NALF1: variants seen among roughly 807,000 people sequenced by gnomAD.
The protein encoded by NALF1 is family with sequence similarity 155 member A.
Under a neutral mutation model 48.4 loss-of-function variants are expected in NALF1, and 3 were observed. The ratio of observed to expected loss-of-function variants is 0.06; its 90% confidence interval spans 0.03 to 0.16. The LOEUF is 0.16. NALF1 is among the 10% of genes least tolerant of loss of function. The pLI is 1.00. For missense variants in NALF1, 526 were observed against 571.5 expected (o/e 0.92, Z 0.81); for synonymous variants, 262 against 245.7 (o/e 1.07, Z -0.62).
At chr13:107,540,503 T>G (rs1329783969) in intron 1 of NALF1, among the ~76,000 whole-genome samples, 2 of 152,126 alleles carry the variant, frequency 1.3e-5, no homozygotes, top group Admixed American at 6.6e-5. Context: ...ATTTTATATG[T>G]ATGTATATAT....
chr13:107,383,185 A>C (rs1883471323), intron 1 of NALF1, among the ~76,000 whole-genome samples: 1 of 152,258 alleles, frequency 6.6e-6, no homozygotes, highest in Non-Finnish European at 1.5e-5. Flanking sequence ...AATTTACCTC[A>C]GTAATAATCA....
intron 1 of NALF1, among the ~76,000 whole-genome samples, chr13:107,235,474 T>G (rs1445380879): frequency 6.6e-6 from 1 of 152,178 alleles, no homozygotes; most frequent in African/African-American, 2.4e-5. Context: ...TTCCTGTCCA[T>G]GAAATTGGGG....
intron 1 of NALF1, among the ~76,000 whole-genome samples, chr13:107,263,868 A>G (rs1437345193): frequency 6.6e-6 from 1 of 152,170 alleles, no homozygotes. Flanking sequence ...TTCCTAGATT[A>G]AAAACATGTT....
chr13:107,681,589 G>C (rs1046357893), intron 1 of NALF1, among the ~76,000 whole-genome samples: 1 of 152,158 alleles, frequency 6.6e-6, no homozygotes, highest in Non-Finnish European at 1.5e-5. Flanking sequence ...GACTGTCCCT[G>C]AGGTGAGCTG....
At chr13:107,289,228 C>T (rs1881566510) in intron 1 of NALF1, among the ~76,000 whole-genome samples, 2 of 152,200 alleles carry the variant, frequency 1.3e-5, no homozygotes, top group South Asian at 2.1e-4. Context: ...AGTTCCATCA[C>T]ATGAACACAT....
chr13:107,857,586 CAT>C (rs1566508421), intron 1 of NALF1, among the ~76,000 whole-genome samples: 2 of 152,146 alleles, frequency 1.3e-5, no homozygotes, highest in African/African-American at 4.8e-5. Flanking sequence ...AAATGTAGCA[CAT>C]GTTAATCTCT....
intron 1 of NALF1, among the ~76,000 whole-genome samples, chr13:107,786,731 T>C (rs1383885544): frequency 6.6e-6 from 1 of 151,428 alleles, no homozygotes; most frequent in African/African-American, 2.4e-5. Flanking sequence ...AAACCCCATC[T>C]CAGAAAAAAA....
At chr13:107,262,443 G>T (rs986188182) in intron 1 of NALF1, among the ~76,000 whole-genome samples, 3 of 151,998 alleles carry the variant, frequency 2.0e-5, no homozygotes, top group African/African-American at 7.2e-5. Flanking sequence ...GCATATGGAA[G>T]CTGCAGCATT....
chr13:107,588,521 C>T (rs1878519301), intron 1 of NALF1, among the ~76,000 whole-genome samples: 2 of 152,028 alleles, frequency 1.3e-5, no homozygotes, highest in African/African-American at 2.4e-5. Flanking sequence ...ACGTGAAAGA[C>T]AGAATGAAGT....
chr13:107,840,361 G>A (rs1165274983), intron 1 of NALF1, among the ~76,000 whole-genome samples: 1 of 152,180 alleles, frequency 6.6e-6, no homozygotes, highest in Non-Finnish European at 1.5e-5. Flanking sequence ...TTTTAAAAGT[G>A]GCAGTAGGTG....
At chr13:107,526,519 A>G (rs1263225823) in intron 1 of NALF1, among the ~76,000 whole-genome samples, 1 of 152,170 alleles carries the variant, frequency 6.6e-6, no homozygotes, top group African/African-American at 2.4e-5. Context: ...AAGGCAATAC[A>G]GCAAGCCTGA....
chr13:107,499,407 C>A (rs1875442261), intron 1 of NALF1, among the ~76,000 whole-genome samples: 1 of 152,006 alleles, frequency 6.6e-6, no homozygotes, highest in South Asian at 2.1e-4. Flanking sequence ...TGCCATTGCA[C>A]AATCATAGCT....
chr13:107,851,952 G>A (rs1880330932), intron 1 of NALF1, among the ~76,000 whole-genome samples: 1 of 150,988 alleles, frequency 6.6e-6, no homozygotes, highest in South Asian at 2.1e-4. Flanking sequence ...TGGACTCAGT[G>A]CATGCCACCA....
At chr13:107,575,963 GGT>G (rs754349016) in intron 1 of NALF1, among the ~76,000 whole-genome samples, 2 of 146,948 alleles carry the variant, frequency 1.4e-5, no homozygotes, top group African/African-American at 2.5e-5. Context: ...GTGTGTGTTG[GGT>G]GTGTGTGTGT....
chr13:107,234,417 C>T (rs1010785195), intron 1 of NALF1, among the ~76,000 whole-genome samples: 2 of 152,154 alleles, frequency 1.3e-5, no homozygotes, highest in African/African-American at 4.8e-5. Flanking sequence ...TGAAGGGATA[C>T]GTGTCCTTGA....
chr13:107,621,246 G>T (rs1879509935), intron 1 of NALF1, among the ~76,000 whole-genome samples: 1 of 152,196 alleles, frequency 6.6e-6, no homozygotes, highest in Non-Finnish European at 1.5e-5. Flanking sequence ...TTCAAGGACA[G>T]TAAGAATATT....
At chr13:107,405,030 T>C (rs1225535372) in intron 1 of NALF1, among the ~76,000 whole-genome samples, 13 of 152,112 alleles carry the variant, frequency 8.5e-5, no homozygotes, top group Non-Finnish European at 1.9e-4. Context: ...TTTACAATTA[T>C]CCTTTCAAAC....
intron 1 of NALF1, among the ~76,000 whole-genome samples, chr13:107,434,318 A>G (rs1157803297): frequency 1.1e-4 from 17 of 152,200 alleles, no homozygotes; most frequent in Admixed American, 6.5e-4. Context: ...TTGACACATA[A>G]GAAGTTAATG....
At chr13:107,275,103 C>A (rs753333222) in intron 1 of NALF1, among the ~76,000 whole-genome samples, 1 of 152,120 alleles carries the variant, frequency 6.6e-6, no homozygotes, top group Non-Finnish European at 1.5e-5. Context: ...GACATGCATA[C>A]GGTTACAAAA....
Sources: allele counts gnomAD v4.1 joint callset (sites outside exome capture counted in the v4.1 genomes callset), GRCh38; gene constraint gnomAD v4.1.1; transcripts MANE v1.5; gene names NCBI Gene and HGNC (gene_info 2026-07-23, HGNC 2026-07-21).